Variants in BBS9 observed in about 807,000 individuals in gnomAD.
The protein encoded by BBS9 is Bardet-Biedl syndrome 9.
In BBS9, 89 loss-of-function variants were observed where a neutral mutation model predicts 117.7. The ratio of observed to expected loss-of-function variants is 0.76; its 90% confidence interval spans 0.64 to 0.90. The LOEUF (loss-of-function observed/expected upper bound fraction) is 0.90, where lower values mean the gene tolerates loss of function less well. Among genes scored for constraint, BBS9 ranks in the 40% least tolerant of loss-of-function variants. The pLI, the probability that BBS9 is intolerant of heterozygous loss-of-function variation, is 0.00. For synonymous variants in BBS9, 379 were observed against 370.9 expected (o/e 1.02, Z -0.25); for missense variants, 982 against 1,042.2 (o/e 0.94, Z 0.80).
chr7:33,384,627 T>C (rs1289804807), intron 18 of BBS9, among the ~76,000 whole-genome samples: 5 of 152,064 alleles, frequency 3.3e-5, no homozygotes, highest in African/African-American at 9.7e-5. Flanking sequence ...TTTGAGAGAA[T>C]TTTGAACATT....
Position 33,383,778 on chromosome 7 carries a change from T to C in BBS9, c.1902T>C (p.Cys634=). 6.2e-7 allele frequency: 1 copy of C among 1,612,960 alleles called. No homozygotes were observed. The highest frequency in any genetic ancestry group is 1.8e-4 in the Middle Eastern group (1 of 5,406). The change falls in exon 18 of 23, where the codon TGT becomes TGC. Residue 634 remains cysteine (C), a synonymous_variant. Coordinates refer to ENST00000242067, the MANE Select transcript of BBS9 (RefSeq NM_198428.3). The stretch of plus-strand genomic sequence containing the variant: ...AACAGGGAGTCAAAGATTTTGCATG[T>C]TCTTTTTCGGGATCTATACCCCTTC... ...FEKQGVKDFA[C]SFSGSIPLQE...
In BBS9 at chr7:33,525,230, T is replaced by C. The variant is rs533398410; in HGVS notation, c.2299-8724T>C. On this transcript the variant is annotated intron_variant, in intron 20 of 22. Transcript: ENST00000242067. Reference sequence around the variant, plus strand: ...TGAAAAAAATGTATATTCTGTTGATTTGGGGTGGAGAGTTCTGTAGATGTC... The same window carrying C: ...TGAAAAAAATGTATATTCTGTTGATCTGGGGTGGAGAGTTCTGTAGATGTC... Among the ~76,000 whole-genome samples the C allele has an allele frequency of 1.4e-4, 21 of 150,388 alleles. No individual in the cohort carries two copies. The South Asian group carries it at 4.5e-3, about 32-fold the overall frequency.
In BBS9 at chr7:33,286,308, A is replaced by G. The variant is rs1802873899; in HGVS notation, c.1016+12352A>G. On this transcript the variant is annotated intron_variant, in intron 9 of 22. Transcript: ENST00000242067. The stretch of plus-strand genomic sequence containing the variant: ...CCTCATTCTGTATCCCATAATTGAT[A>G]TATGGGGGATTCAGTTGCAGTAGGG... Among the ~76,000 whole-genome samples the G allele has an allele frequency of 3.3e-5, 5 of 152,250 alleles. No homozygotes were observed. The South Asian group carries it at 1.0e-3, about 32-fold the overall frequency.
chr7:33,551,017 CA>C (rs1325058692), intron 21 of BBS9, among the ~76,000 whole-genome samples: 2 of 151,826 alleles, frequency 1.3e-5, no homozygotes, highest in East Asian at 3.9e-4. Context: ...AAAATGTTAC[CA>C]AAAAAATAAA....
intron 5 of BBS9, among the ~76,000 whole-genome samples, chr7:33,185,131 C>T (rs1798636875): frequency 6.6e-6 from 1 of 152,156 alleles, no homozygotes; most frequent in East Asian, 1.9e-4. Context: ...CCAGAGGTCA[C>T]TTTGGTCGCC....
intron 5 of BBS9, among the ~76,000 whole-genome samples, chr7:33,242,635 A>G (rs1794723636): frequency 6.6e-6 from 1 of 152,120 alleles, no homozygotes; most frequent in Non-Finnish European, 1.5e-5. Context: ...CTTATATGCT[A>G]TTCTCCTCCT....
chr7:33,152,219 T>C (rs1467653988), intron 2 of BBS9, among the ~76,000 whole-genome samples: 1 of 152,222 alleles, frequency 6.6e-6, no homozygotes, highest in East Asian at 1.9e-4. Flanking sequence ...ACAATTTAAC[T>C]TACAACACCC....
chr7:33,583,851 A>G (rs1214290909), intron 21 of BBS9, among the ~76,000 whole-genome samples: 1 of 152,100 alleles, frequency 6.6e-6, no homozygotes, highest in Non-Finnish European at 1.5e-5. Context: ...CTCATCTGTA[A>G]AGGGGAGATT....
chr7:33,317,000 GCT>G (rs1390973308), intron 9 of BBS9, among the ~76,000 whole-genome samples: 1 of 152,100 alleles, frequency 6.6e-6, no homozygotes, highest in African/African-American at 2.4e-5. Context: ...TATAAGTTTA[GCT>G]CTTTTTTAGG....
chr7:33,631,736 A>C (rs1865898638), intron 21 of BBS9, among the ~76,000 whole-genome samples: 1 of 152,170 alleles, frequency 6.6e-6, no homozygotes, highest in Admixed American at 6.5e-5. Context: ...GATGGTAAGG[A>C]AACACTGGAT....
In BBS9 at chr7:33,597,670, C is replaced by A. The variant is rs532522104; in HGVS notation, c.2522-7195C>A. Reference sequence around the variant, plus strand: ...AACTCACAAGCAAATCCATTAAGATCTTCCTGCAAAAAAAAAATGTGTTAT... The same window carrying A: ...AACTCACAAGCAAATCCATTAAGATATTCCTGCAAAAAAAAAATGTGTTAT... On this transcript the variant is annotated intron_variant, in intron 21 of 22. Transcript: ENST00000242067. 2.6e-4 allele frequency among the ~76,000 whole-genome samples: 39 copies of A among 151,078 alleles called. 1 individual carries two copies. In the East Asian group the frequency reaches 6.3e-3, roughly 24 times the overall value.
At chr7:33,473,365 C>T (rs1841352273) in intron 19 of BBS9, among the ~76,000 whole-genome samples, 1 of 150,540 alleles carries the variant, frequency 6.6e-6, no homozygotes, top group African/African-American at 2.5e-5. Context: ...GCTCTGTCAC[C>T]CGGGCTGGAG....
At chr7:33,247,551 T>G (rs1583862681) in intron 5 of BBS9, among the ~76,000 whole-genome samples, 1 of 152,268 alleles carries the variant, frequency 6.6e-6, no homozygotes, top group East Asian at 1.9e-4. Flanking sequence ...CTTGGGAAAC[T>G]CTTTCTCAAC....
rs749182071 is a variant in BBS9 at position 33,505,670 on chromosome 7, G to A, written c.2298+25G>A. 3 of 1,610,474 alleles carry A rather than the reference G, an allele frequency of 1.9e-6. No individual in the cohort carries two copies. In the South Asian group the frequency reaches 3.3e-5, roughly 18 times the overall value. Reference sequence around the variant, plus strand: ...GGTAAGGACCTGAAAGCCTGTGGTGGGAACAGCCAGCATTATTGAAGTTTC... The same window carrying A: ...GGTAAGGACCTGAAAGCCTGTGGTGAGAACAGCCAGCATTATTGAAGTTTC... On this transcript the variant is annotated intron_variant, in intron 20 of 22. Coordinates refer to ENST00000242067, the MANE Select transcript of BBS9 (RefSeq NM_198428.3).
intron 19 of BBS9, among the ~76,000 whole-genome samples, chr7:33,439,562 C>G (rs1379479198): frequency 1.6e-5 from 2 of 125,486 alleles, no homozygotes; most frequent in Non-Finnish European, 3.2e-5. Flanking sequence ...TGGAGCCTTG[C>G]TTTGTTGCCA....
intron 2 of BBS9, among the ~76,000 whole-genome samples, chr7:33,146,949 C>CTT (rs1792493551): frequency 6.6e-6 from 1 of 151,816 alleles, no homozygotes; most frequent in Non-Finnish European, 1.5e-5. Flanking sequence ...AAAATTTGGT[C>CTT]TTGTAGGGGA....
At chr7:33,531,536 C>T (rs551680249) in intron 20 of BBS9, among the ~76,000 whole-genome samples, 8 of 152,214 alleles carry the variant, frequency 5.3e-5, no homozygotes, top group East Asian at 1.9e-4. Flanking sequence ...CAAATTGGAG[C>T]TCATTCAAAG....
intron 17 of BBS9, among the ~76,000 whole-genome samples, chr7:33,378,698 G>C (rs1824373836): frequency 6.6e-6 from 1 of 152,214 alleles, no homozygotes; most frequent in African/African-American, 2.4e-5. Flanking sequence ...GACTTCGCTG[G>C]AGGAAGAGTT....
chr7:33,158,898 A>G (rs1794449964), intron 4 of BBS9, among the ~76,000 whole-genome samples: 1 of 119,378 alleles, frequency 8.4e-6, no homozygotes, highest in Non-Finnish European at 2.0e-5. Flanking sequence ...ATGGTAAAAG[A>G]CGATTTATAG....
Sources: allele counts gnomAD v4.1 joint callset (sites outside exome capture counted in the v4.1 genomes callset), GRCh38; gene constraint gnomAD v4.1.1; transcripts MANE v1.5; gene names NCBI Gene and HGNC (gene_info 2026-07-23, HGNC 2026-07-21).